Variants in SHISA6 observed in about 807,000 individuals in gnomAD.
SHISA6 encodes shisa family member 6, also known as protein shisa-6.
In SHISA6, 22 loss-of-function variants were observed where a neutral mutation model predicts 47.9. The ratio of observed to expected loss-of-function variants is 0.46; its 90% CI spans 0.33 to 0.66. The LOEUF is 0.66. SHISA6 is among the 30% of genes least tolerant of loss of function. The pLI, the probability that SHISA6 is intolerant of heterozygous loss-of-function variation, is 0.02. For missense variants in SHISA6, 680 were observed against 764.6 expected (o/e 0.89, Z 1.30); for synonymous variants, 388 against 337.8 (o/e 1.15, Z -1.63).
intron 3 of SHISA6, among the ~76,000 whole-genome samples, chr17:11,512,810 T>C (rs955078247): frequency 7.9e-5 from 12 of 152,144 alleles, no homozygotes; most frequent in African/African-American, 1.4e-4. Context: ...CTTGCATAAA[T>C]TTGTTAATGA....
At chr17:11,512,330 C>G (rs750762652) in intron 3 of SHISA6, among the ~76,000 whole-genome samples, 4 of 152,286 alleles carry the variant, frequency 2.6e-5, no homozygotes, top group South Asian at 4.2e-4. Context: ...CTTAGCTCCC[C>G]GTACAGGACA....
At chr17:11,252,272 T>C (rs569851117) in intron 1 of SHISA6, among the ~76,000 whole-genome samples, 1 of 152,304 alleles carries the variant, frequency 6.6e-6, no homozygotes, top group South Asian at 2.1e-4. Flanking sequence ...ACACTCTCAT[T>C]ATTCCTTGCT....
At chr17:11,327,371 A>G (rs1320773301) in intron 2 of SHISA6, among the ~76,000 whole-genome samples, 1 of 152,216 alleles carries the variant, frequency 6.6e-6, no homozygotes, top group Non-Finnish European at 1.5e-5. Context: ...GATTAGTTTT[A>G]TCATCAGAGA....
At chr17:11,505,888 T>C (rs2071494692) in intron 3 of SHISA6, among the ~76,000 whole-genome samples, 1 of 152,162 alleles carries the variant, frequency 6.6e-6, no homozygotes, top group African/African-American at 2.4e-5. Flanking sequence ...GAAAGGCATA[T>C]ACTGTATACC....
chr17:11,275,266 G>A (rs995167572), intron 2 of SHISA6, among the ~76,000 whole-genome samples: 21 of 152,098 alleles, frequency 1.4e-4, no homozygotes, highest in South Asian at 4.2e-4. Flanking sequence ...TTCTAATGGC[G>A]TGGGAATGGG....
chr17:11,360,780 T>C (rs1471826045), intron 2 of SHISA6, among the ~76,000 whole-genome samples: 2 of 146,346 alleles, frequency 1.4e-5, no homozygotes, highest in Non-Finnish European at 3.0e-5. Flanking sequence ...CCATGTATCC[T>C]AGAACTTAAA....
At chr17:11,528,415 G>A (rs1424018696) in intron 3 of SHISA6, among the ~76,000 whole-genome samples, 1 of 152,104 alleles carries the variant, frequency 6.6e-6, no homozygotes, top group Non-Finnish European at 1.5e-5. Context: ...AAAACATGTA[G>A]AGGAATAAAT....
chr17:11,317,836 T>C (rs1197376039), intron 2 of SHISA6, among the ~76,000 whole-genome samples: 1 of 127,988 alleles, frequency 7.8e-6, no homozygotes, highest in Non-Finnish European at 1.7e-5. Flanking sequence ...ATTCTAGATA[T>C]AATTATTTTA....
At chr17:11,414,537 G>A (rs1445159273) in intron 3 of SHISA6, among the ~76,000 whole-genome samples, 3 of 152,172 alleles carry the variant, frequency 2.0e-5, no homozygotes, top group South Asian at 2.1e-4. Flanking sequence ...CAAAGTACAC[G>A]TGAGTACAAA....
intron 3 of SHISA6, among the ~76,000 whole-genome samples, chr17:11,398,777 G>C (rs1913663815): frequency 6.6e-6 from 1 of 152,010 alleles, no homozygotes; most frequent in Non-Finnish European, 1.5e-5. Flanking sequence ...ATTTTTAGTA[G>C]ATATGGGGTT....
intron 2 of SHISA6, among the ~76,000 whole-genome samples, chr17:11,295,049 G>A (rs956045895): frequency 6.6e-6 from 1 of 152,216 alleles, no homozygotes; most frequent in Non-Finnish European, 1.5e-5. Context: ...CAGGTATCCG[G>A]TACAGTGTGA....
intron 3 of SHISA6, among the ~76,000 whole-genome samples, chr17:11,526,109 G>A (rs368888231): frequency 3.0e-4 from 29 of 97,070 alleles, no homozygotes; most frequent in Admixed American, 5.8e-4. Context: ...CTACCAAGGG[G>A]ACCCCCCCCC....
Position 11,447,907 on chromosome 17 carries a change from C to T in SHISA6, c.895+68398C>T, listed in dbSNP as rs560751920. Among the ~76,000 whole-genome samples, 6 of 152,238 alleles carry T rather than the reference C, an allele frequency of 3.9e-5. No individual in the cohort carries two copies. The East Asian group carries it at 1.2e-3, about 30-fold the overall frequency. On this transcript the variant is annotated intron_variant, in intron 3 of 5. Coordinates refer to ENST00000441885, the MANE Select transcript of SHISA6 (RefSeq NM_207386.4). ...GGAAGCTTGTCCAACCTGCAGACAG[C>T]AGTGGGCAGGGCTGGAGGGGCAGTG...
At chr17:11,321,482 G>C (rs2142196425) in intron 2 of SHISA6, among the ~76,000 whole-genome samples, 1 of 152,304 alleles carries the variant, frequency 6.6e-6, no homozygotes. Context: ...CTTTCTACTT[G>C]TAGCTTGTCT....
At chr17:11,314,926 AT>A (rs543389256) in intron 2 of SHISA6, among the ~76,000 whole-genome samples, 1 of 152,136 alleles carries the variant, frequency 6.6e-6, no homozygotes, top group South Asian at 2.1e-4. Context: ...TTTACAAAAT[AT>A]TACTGGTTGT....
chr17:11,371,772 A>ATC (rs1307388923), intron 2 of SHISA6, among the ~76,000 whole-genome samples: 1 of 152,174 alleles, frequency 6.6e-6, no homozygotes, highest in Non-Finnish European at 1.5e-5. Flanking sequence ...CCACTTTATA[A>ATC]TCCCAGATAA....
At chr17:11,398,984 TCAC>T (rs1375872132) in intron 3 of SHISA6, among the ~76,000 whole-genome samples, 1 of 151,972 alleles carries the variant, frequency 6.6e-6, no homozygotes, top group East Asian at 1.9e-4. Flanking sequence ...ACTGTCTTGC[TCAC>T]CACAAGGATT....
At chr17:11,557,242 G>A (rs984463801) in intron 5 of SHISA6, among the ~76,000 whole-genome samples, 18 of 152,200 alleles carry the variant, frequency 1.2e-4, no homozygotes, top group East Asian at 3.9e-4. Flanking sequence ...TATTCTAGCC[G>A]GAGGCTGGCT....
intron 2 of SHISA6, among the ~76,000 whole-genome samples, chr17:11,302,543 A>G (rs1257411780): frequency 6.6e-6 from 1 of 152,208 alleles, no homozygotes; most frequent in Non-Finnish European, 1.5e-5. Context: ...TGAACGTGCC[A>G]GAAACAGGCA....
Sources: gnomAD v4.1 joint callset for allele counts (sites outside exome capture counted in the v4.1 genomes callset) on GRCh38, gnomAD v4.1.1 for gene constraint, MANE v1.5 for transcripts, NCBI Gene and HGNC (gene_info 2026-07-23, HGNC 2026-07-21) for gene names.